Variants in SPRY4 observed in about 807,000 individuals in gnomAD.
The protein encoded by SPRY4 is protein sprouty homolog 4.
In SPRY4, 7 loss-of-function variants were observed where a neutral mutation model predicts 17.0. That is an observed-to-expected ratio of 0.41 (90% CI 0.23 to 0.77). The LOEUF (loss-of-function observed/expected upper bound fraction) is 0.77. Ranked by LOEUF, SPRY4 falls within the 30% of genes least tolerant of loss-of-function variation. SPRY4 has a pLI of 0.32. For synonymous variants in SPRY4, 183 were observed against 174.1 expected (o/e 1.05, Z -0.40); for missense variants, 435 against 419.9 (o/e 1.04, Z -0.31).
intron 1 of SPRY4, among the ~76,000 whole-genome samples, chr5:142,316,705 C>T (rs76628789): frequency 6.6e-6 from 1 of 152,134 alleles, no homozygotes; most frequent in Admixed American, 6.5e-5. Context: ...TTATCTAGAA[C>T]CTGTCTAAAA....
At chr5:142,317,022 T>C (rs1446334375) in intron 1 of SPRY4, 2 of 985,358 alleles carry the variant, frequency 2.0e-6, no homozygotes, top group Non-Finnish European at 2.4e-6. Context: ...AACCATAGCA[T>C]CACCTTTGAA....
Position 142,314,711 on chromosome 5 carries a change from G to A in SPRY4, c.398C>T (p.Pro133Leu), listed in dbSNP as rs1251703623. The change falls in exon 2 of 2, where the codon CCC becomes CTC. Residue 133 changes from proline to leucine, a missense_variant. Transcript: ENST00000434127. The surrounding 1 kb of genome is among the most constrained non-coding windows in gnomAD (Gnocchi z 4.8). ...CAGCGGCTGGCAGTGGACCACCTTG[G>A]GCTGGATGCGCACAGCCCTTGGTGA... Reference protein sequence around the residue: ...QASPRAVRIQPKVVHCQPLDL... With the variant: ...QASPRAVRIQLKVVHCQPLDL... 6.2e-7 allele frequency: 1 copy of A among 1,613,648 alleles called. No homozygotes were observed. The highest frequency in any genetic ancestry group is 8.5e-7 in the Non-Finnish European group (1 of 1,179,754).
chr5:142,317,372 G>T (rs1027829129), intron 1 of SPRY4: 23 of 985,276 alleles, frequency 2.3e-5, no homozygotes, highest in Admixed American at 1.2e-4. Flanking sequence ...CTTGGCCTAA[G>T]AATTAAAAAT....
rs1287104579 is a variant in SPRY4 at position 142,324,944 on chromosome 5, A to T, written c.-148T>A. ...TGTACTCGCAGACGCCGGTCGGAGGAACCGGCAAGGCTCCCTGCGCTCCAC... is the reference window on the plus strand; with the variant it reads ...TGTACTCGCAGACGCCGGTCGGAGGTACCGGCAAGGCTCCCTGCGCTCCAC... On this transcript the variant is annotated 5_prime_UTR_variant, in exon 1 of 2. Coordinates refer to ENST00000434127, the MANE Select transcript of SPRY4 (RefSeq NM_001127496.3). The T allele has an allele frequency of 6.5e-6, 1 of 152,684 alleles. No individual in the cohort carries two copies. The highest frequency in any genetic ancestry group is 2.4e-5 in the African/African-American group (1 of 41,472). The allele number at this position is 152,684 out of a possible 1,614,324, so 9.5% of individuals were successfully genotyped here.
At chr5:142,320,459 T>C (rs1759309756) in intron 1 of SPRY4, among the ~76,000 whole-genome samples, 1 of 152,086 alleles carries the variant, frequency 6.6e-6, no homozygotes, top group Non-Finnish European at 1.5e-5. Flanking sequence ...AACCCTCTTC[T>C]CTTCTCTCTT....
chr5:142,316,267 G>A (rs899315420), intron 1 of SPRY4, among the ~76,000 whole-genome samples: 6 of 151,492 alleles, frequency 4.0e-5, no homozygotes, highest in South Asian at 2.1e-4. Flanking sequence ...TGCCTGACAC[G>A]GAACCCCAGG....
At chr5:142,318,099 G>A (rs1759219241) in intron 1 of SPRY4, 1 of 984,946 alleles carries the variant, frequency 1.0e-6, no homozygotes, top group South Asian at 4.7e-5. Context: ...AATTTATGTG[G>A]CTGACAAAGG....
In SPRY4 at chr5:142,314,760, G is replaced by A. The variant is rs1437998814; in HGVS notation, c.349C>T (p.Pro117Ser). ...SDQRLLDHMA[P>S]PPVADQASPR... ...GAGGCCTGGTCAGCCACGGGTGGTG[G>A]TGCCATGTGGTCTAAGAGCCGTTGG... The change falls in exon 2 of 2, where the codon CCA becomes TCA. Residue 117 changes from proline to serine, a missense_variant. By Grantham distance (74) the Pro-to-Ser change is moderately conservative. Transcript: ENST00000434127. The surrounding 1 kb of genome is among the most constrained non-coding windows in gnomAD (Gnocchi z 4.8). 1 of 1,604,478 alleles carries A rather than the reference G, an allele frequency of 6.2e-7. No homozygotes were observed. The highest frequency in any genetic ancestry group is 8.5e-7 in the Non-Finnish European group (1 of 1,172,478).
intron 1 of SPRY4, 84 bp downstream of exon 1, chr5:142,324,760 A>G (rs1462784693): frequency 6.5e-6 from 1 of 152,712 alleles, no homozygotes; most frequent in African/African-American, 2.4e-5. Context: ...GAAATAGCGC[A>G]CCATTTGCCC....
In SPRY4 at chr5:142,314,531, A is replaced by C; in HGVS notation, c.578T>G (p.Leu193Arg). Residue 193 changes from leucine to arginine, a missense_variant, in exon 2 of 2, where the codon CTG (leucine) becomes CGG (arginine). Physicochemically the swap from Leu to Arg is moderately radical, Grantham distance 102. Transcript: ENST00000434127. The surrounding 1 kb of genome is among the most constrained non-coding windows in gnomAD (Gnocchi z 4.8). ...NQECLCSAQTLVNYGTCMCLV... is the reference protein window; with the variant it reads ...NQECLCSAQTRVNYGTCMCLV... ...ACACATGCACGTGCCATAGTTGACC[A>C]GAGTCTGGGCTGAGCACAGGCACTC... is the stretch of plus-strand genomic sequence containing the variant. 1 of 1,614,240 alleles carries C rather than the reference A, an allele frequency of 6.2e-7. No homozygotes were observed. The highest frequency in any genetic ancestry group is 1.3e-5 in the African/African-American group (1 of 75,066).
rs1759054612 is a variant in SPRY4, at chr5:142,314,425, G to A, written c.684C>T (p.Arg228=). 1.2e-6 allele frequency: 2 copies of A among 1,613,934 alleles called. No individual in the cohort carries two copies. The highest frequency in any genetic ancestry group is 1.7e-6 in the Non-Finnish European group (2 of 1,179,960). Residue 228 remains arginine, a synonymous_variant, in exon 2 of 2, where the codon CGC becomes CGT. Transcript: ENST00000434127. The surrounding 1 kb of genome is among the most constrained non-coding windows in gnomAD (Gnocchi z 4.8). ...SCADHPCSCS[R]SNCCARWSFM... ...AGGACCAGCGGGCGCAGCAGTTGGA[G>A]CGGGAGCAGGAGCAGGGGTGGTCAG...
At chr5:142,322,319 A>C (rs1759369601) in intron 1 of SPRY4, among the ~76,000 whole-genome samples, 1 of 151,910 alleles carries the variant, frequency 6.6e-6, no homozygotes, top group African/African-American at 2.4e-5. Context: ...AAAAATACAA[A>C]AATTAGCTGG....
intron 1 of SPRY4, chr5:142,318,150 A>C (rs760786309): frequency 1.0e-6 from 1 of 985,162 alleles, no homozygotes; most frequent in Non-Finnish European, 1.2e-6. Context: ...ACCCCTCAGC[A>C]CAGCTAAATG....
At position 142,314,072 on chromosome 5, in the gene SPRY4, G is replaced by A. The variant is rs1218054752; in HGVS notation, c.*137C>T. 5.5e-6 allele frequency: 5 copies of A among 902,238 alleles called. No homozygotes were observed. Among genetic ancestry groups the A allele is most frequent in the Admixed American group, 2.9e-5 (1 of 34,564 alleles). The allele number at this position is 902,238 out of a possible 1,614,324, so 55.9% of individuals were successfully genotyped here. On this transcript the variant is annotated 3_prime_UTR_variant, in exon 2 of 2. Coordinates refer to ENST00000434127, the MANE Select transcript of SPRY4 (RefSeq NM_001127496.3). The surrounding 1 kb of genome is among the most constrained non-coding windows in gnomAD (Gnocchi z 4.8). ...CGTGGTGGTGGTCTCTGTATTTTCC[G>A]AAGCTGGGGGTAGGGAGTGGGCAGA...
Position 142,311,935 on chromosome 5 carries a change from G to GGGGTGTGTGTGTGTGTGTGT in SPRY4, c.*2273_*2274insACACACACACACACACACCC, listed in dbSNP as rs1554099210. ...CGGTAGACAGTCAGTGTGGGGTAGG[G>GGGGTGTGTGTGTGTGTGTGT]GTGTGTGTGTGTGTGTGTGTGTGTG... On this transcript the variant is annotated 3_prime_UTR_variant, in exon 2 of 2. Transcript: ENST00000434127. 2 of 140,384 alleles carry GGGGTGTGTGTGTGTGTGTGT rather than the reference G, an allele frequency of 1.4e-5. No individual in the cohort carries two copies. The highest frequency in any genetic ancestry group is 2.2e-4 in the East Asian group (1 of 4,564). 8.7% of individuals were successfully genotyped at this position (140,384 alleles called of 1,614,324 possible).
At chr5:142,319,681 AT>A in intron 1 of SPRY4, 1 of 1,585,818 alleles carries the variant, frequency 6.3e-7, no homozygotes, top group East Asian at 2.2e-5. Flanking sequence ...GCAACACTGT[AT>A]TTGCTGCTTG....
chr5:142,314,704 C>T lies in SPRY4; in HGVS notation c.405G>A (p.Val135=), dbSNP rs1231650820. 1.2e-6 allele frequency: 2 copies of T among 1,613,742 alleles called. No individual in the cohort carries two copies. The highest frequency in any genetic ancestry group is 1.1e-5 in the South Asian group (1 of 91,076). The change falls in exon 2 of 2, where the codon GTG becomes GTA. Residue 135 remains valine (V), a synonymous_variant. Coordinates refer to ENST00000434127, the MANE Select transcript of SPRY4 (RefSeq NM_001127496.3). This position sits in a 1 kb window ranked among gnomAD's most constrained non-coding sequence, Gnocchi z 4.8. ...SPRAVRIQPK[V]VHCQPLDLKG... ...TGAGGTCCAGCGGCTGGCAGTGGAC[C>T]ACCTTGGGCTGGATGCGCACAGCCC...
rs1176966201 is a variant in SPRY4, at chr5:142,310,946, A to G, written c.*3263T>C. 1 of 152,204 alleles carries G rather than the reference A, an allele frequency of 6.6e-6. No individual in the cohort carries two copies. The highest frequency in any genetic ancestry group is 2.4e-5 in the African/African-American group (1 of 41,428). The allele number at this position is 152,204 out of a possible 1,614,324, so 9.4% of individuals were successfully genotyped here. ...CCAGACACTTCCTGGGACAGCACAGAAGGAGAACAGGATGCTTCAAGGTGA... is the reference window on the plus strand; with the variant it reads ...CCAGACACTTCCTGGGACAGCACAGGAGGAGAACAGGATGCTTCAAGGTGA... On this transcript the variant is annotated 3_prime_UTR_variant, in exon 2 of 2. Coordinates refer to ENST00000434127, the MANE Select transcript of SPRY4 (RefSeq NM_001127496.3).
At chr5:142,321,468 A>C (rs1759342271) in intron 1 of SPRY4, among the ~76,000 whole-genome samples, 1 of 152,202 alleles carries the variant, frequency 6.6e-6, no homozygotes, top group Non-Finnish European at 1.5e-5. Context: ...AAGAGCAAAA[A>C]CATATTCTAA....
Sources: allele counts gnomAD v4.1 joint callset (sites outside exome capture counted in the v4.1 genomes callset), GRCh38; gene constraint gnomAD v4.1.1; non-coding constraint Gnocchi (gnomAD v3.1); transcripts MANE v1.5; gene names NCBI Gene and HGNC (gene_info 2026-07-23, HGNC 2026-07-21).